DOCK4: variants seen among roughly 807,000 people sequenced by gnomAD.
DOCK4 encodes dedicator of cytokinesis 4.
Under a neutral mutation model 268.1 loss-of-function variants are expected in DOCK4, and 97 were observed. The observed-to-expected ratio is 0.36, with a 90% CI of 0.31 to 0.43. The LOEUF is 0.43. Among genes scored for constraint, DOCK4 ranks in the 20% least tolerant of loss-of-function variants. The pLI, the probability that DOCK4 is intolerant of heterozygous loss-of-function variation, is 1.00. For synonymous variants in DOCK4, 954 were observed against 887.2 expected, an observed-to-expected ratio of 1.08 and a Z score of -1.34; for missense variants, 2,145 against 2,455.7, an observed-to-expected ratio of 0.87 and a Z score of 2.67.
intron 1 of DOCK4, among the ~76,000 whole-genome samples, chr7:112,198,702 TAATC>T (rs755216439): frequency 6.6e-6 from 1 of 152,216 alleles, no homozygotes; most frequent in Non-Finnish European, 1.5e-5. Context: ...AACTTACTGA[TAATC>T]TATATATTCT....
chr7:111,865,507 T>C (rs146550030), intron 22 of DOCK4, among the ~76,000 whole-genome samples: 18 of 152,334 alleles, frequency 1.2e-4, no homozygotes, highest in African/African-American at 3.6e-4. Flanking sequence ...ATAGTAAAGC[T>C]TGGACAAATT....
intron 47 of DOCK4, chr7:111,740,259 C>A (rs1478015669): frequency 3.6e-6 from 1 of 280,774 alleles, no homozygotes; most frequent in East Asian, 1.2e-4. Flanking sequence ...GCCACCATGC[C>A]CGGCTAATTT....
rs762240664 is a variant in DOCK4, at chr7:111,736,917, C to CT, written c.5304dup (p.Ala1769SerfsTer7). The CT allele has an allele frequency of 6.3e-7, 1 of 1,598,584 alleles. No individual in the cohort carries two copies. ...GGACTGACCATGGGGCTGGCCTTACCTTTTTCAGGTGCAGAGAGATTTGGG... is the reference window on the plus strand; with the variant it reads ...GGACTGACCATGGGGCTGGCCTTACCTTTTTTCAGGTGCAGAGAGATTTGGG... On this transcript the variant is annotated frameshift_variant and splice_region_variant, in exon 50 of 53. Coordinates refer to ENST00000428084, the MANE Select transcript of DOCK4 (RefSeq NM_001363540.2). LOFTEE classifies it high-confidence loss of function.
At chr7:112,015,443 G>C (rs949359417) in intron 1 of DOCK4, among the ~76,000 whole-genome samples, 6 of 152,138 alleles carry the variant, frequency 3.9e-5, no homozygotes, top group Non-Finnish European at 8.8e-5. Flanking sequence ...TCTGTCTATG[G>C]AGTAGCCATT....
chr7:112,135,760 T>C (rs751906658), intron 1 of DOCK4, among the ~76,000 whole-genome samples: 1 of 140,182 alleles, frequency 7.1e-6, no homozygotes, highest in Non-Finnish European at 1.6e-5. Flanking sequence ...AAAATTGTTA[T>C]CAGTCCTCTC....
chr7:111,876,898 G>T, intron 17 of DOCK4, 132 bp downstream of exon 17: 2 of 883,234 alleles, frequency 2.3e-6, no homozygotes, highest in Non-Finnish European at 3.0e-6. Flanking sequence ...CATTTTACTA[G>T]AAATCACAAA....
intron 23 of DOCK4, chr7:111,863,012 A>G (rs1386578135): frequency 4.3e-6 from 1 of 231,516 alleles, no homozygotes. Flanking sequence ...AAAGTAAAAA[A>G]CAACAATAAT....
intron 35 of DOCK4, among the ~76,000 whole-genome samples, chr7:111,782,502 A>G (rs1409633321): frequency 2.6e-5 from 4 of 152,346 alleles, no homozygotes. Flanking sequence ...ATTGCTACAC[A>G]AAGTAGAAAG....
At chr7:112,200,494 T>C (rs1030347137) in intron 1 of DOCK4, among the ~76,000 whole-genome samples, 3 of 152,084 alleles carry the variant, frequency 2.0e-5, no homozygotes, top group African/African-American at 4.8e-5. Flanking sequence ...ATTGTATTAC[T>C]GTGTTACGGT....
At chr7:111,739,896 G>A (rs1229752053) in intron 47 of DOCK4, 1 of 300,782 alleles carries the variant, frequency 3.3e-6, no homozygotes. Flanking sequence ...AAAGATAGTG[G>A]TGAGGAAAAT....
chr7:112,203,148 A>T (rs1173389052), intron 1 of DOCK4, among the ~76,000 whole-genome samples: 1 of 152,216 alleles, frequency 6.6e-6, no homozygotes, highest in African/African-American at 2.4e-5. Context: ...TAAGTGATTT[A>T]CCTAAGGTTA....
At chr7:111,886,409 G>A (rs1807845416) in intron 16 of DOCK4, among the ~76,000 whole-genome samples, 1 of 152,162 alleles carries the variant, frequency 6.6e-6, no homozygotes, top group East Asian at 1.9e-4. Flanking sequence ...CACAGTCTCT[G>A]CCCTTGAGGG....
chr7:111,928,531 C>A (rs866021433), intron 12 of DOCK4, among the ~76,000 whole-genome samples: 25 of 150,320 alleles, frequency 1.7e-4, no homozygotes, highest in Admixed American at 4.6e-4. Flanking sequence ...TGATTTAGAT[C>A]GAAGGAAACA....
intron 50 of DOCK4, 85 bp downstream of exon 50, chr7:111,736,832 C>G: frequency 8.0e-7 from 1 of 1,255,494 alleles, no homozygotes; most frequent in Non-Finnish European, 1.1e-6. Flanking sequence ...GCACTGCTTT[C>G]CACACAGACA....
chr7:112,105,163 T>C (rs1198842034), intron 1 of DOCK4, among the ~76,000 whole-genome samples: 3 of 152,168 alleles, frequency 2.0e-5, no homozygotes, highest in Non-Finnish European at 4.4e-5. Flanking sequence ...TAATCTGAAA[T>C]ATGTTTAGGG....
At chr7:112,066,623 C>CACGT (rs1806991345) in intron 1 of DOCK4, among the ~76,000 whole-genome samples, 1 of 105,706 alleles carries the variant, frequency 9.5e-6, no homozygotes, top group African/African-American at 4.3e-5. Flanking sequence ...TACATATATA[C>CACGT]GTGTATATAT....
chr7:112,134,927 G>T (rs998366508), intron 1 of DOCK4, among the ~76,000 whole-genome samples: 1 of 151,868 alleles, frequency 6.6e-6, no homozygotes, highest in Non-Finnish European at 1.5e-5. Flanking sequence ...ATTTACTTCA[G>T]TAATTTCCTT....
At chr7:111,899,054 T>C (rs1468547045) in intron 15 of DOCK4, among the ~76,000 whole-genome samples, 1 of 152,218 alleles carries the variant, frequency 6.6e-6, no homozygotes, top group Non-Finnish European at 1.5e-5. Flanking sequence ...CTAAGTCCTT[T>C]ATGTTTTCCT....
intron 26 of DOCK4, among the ~76,000 whole-genome samples, chr7:111,830,930 G>A (rs1802771084): frequency 1.3e-5 from 2 of 151,946 alleles, no homozygotes; most frequent in South Asian, 4.2e-4. Context: ...AGCAGGCACT[G>A]TTTATCACGC....
Sources: allele counts gnomAD v4.1 joint callset (sites outside exome capture counted in the v4.1 genomes callset), GRCh38; gene constraint gnomAD v4.1.1; transcripts MANE v1.5; gene names NCBI Gene and HGNC (gene_info 2026-07-23, HGNC 2026-07-21).